The following RHOBTB2 variants were observed in gnomAD, a reference collection of about 807,000 sequenced individuals.
RHOBTB2 encodes the protein Rho related BTB domain containing 2, also known as rho-related BTB domain-containing protein 2.
In RHOBTB2, 39 loss-of-function variants were observed where a neutral mutation model predicts 66.5. That is an observed-to-expected ratio of 0.59 (90% CI 0.45 to 0.77). The LOEUF is 0.77. Ranked by LOEUF, RHOBTB2 falls within the 30% of genes least tolerant of loss-of-function variation. The probability of loss-of-function intolerance (pLI) is 0.00; values close to 1 mark genes in which losing one functional copy is unlikely to be tolerated. For synonymous variants in RHOBTB2, 390 were observed against 395.0 expected (o/e 0.99, Z 0.15); for missense variants, 755 against 999.1 (o/e 0.76, Z 3.29).
intron 2 of RHOBTB2, among the ~76,000 whole-genome samples, chr8:22,992,907 A>C (rs575874192): frequency 6.6e-6 from 1 of 152,270 alleles, no homozygotes; most frequent in East Asian, 1.9e-4. Context: ...GCATGCCCAC[A>C]CCTCTGCCAG....
At chr8:22,994,245 C>G (rs1032663508) in intron 2 of RHOBTB2, among the ~76,000 whole-genome samples, 1 of 152,216 alleles carries the variant, frequency 6.6e-6, no homozygotes, top group African/African-American at 2.4e-5. Context: ...ATCCAGGCCT[C>G]CGATGCATGA....
intron 9 of RHOBTB2, among the ~76,000 whole-genome samples, chr8:23,016,608 C>T (rs759085882): frequency 2.8e-4 from 43 of 151,986 alleles, no homozygotes; most frequent in Non-Finnish European, 5.6e-4. Flanking sequence ...GACGGGGTTT[C>T]ACCACGTTGC....
chr8:22,964,933 C>T, the RHOBTB2 span, among the ~76,000 whole-genome samples: 10 of 151,966 alleles, frequency 6.6e-5, no homozygotes, highest in Non-Finnish European at 1.2e-4. Context: ...TCTCCTGCCT[C>T]AGCTTCCCGA....
chr8:22,959,041 C>G, the RHOBTB2 span, among the ~76,000 whole-genome samples: 4 of 152,276 alleles, frequency 2.6e-5, no homozygotes, highest in East Asian at 5.8e-4. Context: ...GATTGGGACT[C>G]TGCTAGTCTT....
chr8:22,996,985 C>T (rs1810588204), upstream of RHOBTB2, among the ~76,000 whole-genome samples: 2 of 152,224 alleles, frequency 1.3e-5, no homozygotes, highest in African/African-American at 4.8e-5. Flanking sequence ...CCAGGGCTGG[C>T]TGGGAAGAGG....
upstream of RHOBTB2, chr8:22,999,264 G>A (rs1810677767): frequency 6.4e-6 from 1 of 155,440 alleles, no homozygotes; most frequent in African/African-American, 2.4e-5. Flanking sequence ...GGGTGCACTA[G>A]GATGCCTCTC....
At chr8:22,998,114 T>C (rs1237788758), upstream of RHOBTB2, among the ~76,000 whole-genome samples, 1 of 152,210 alleles carries the variant, frequency 6.6e-6, no homozygotes, top group African/African-American at 2.4e-5. Context: ...GAGCACTTCC[T>C]GTACATTGAC....
the RHOBTB2 span, among the ~76,000 whole-genome samples, chr8:22,971,363 TA>T: frequency 0.015 from 2,197 of 143,706 alleles, 29 homozygotes; most frequent in Non-Finnish European, 0.024. Flanking sequence ...TTTTTTTTTT[TA>T]AGTAGAGGTG....
At position 23,006,102 on chromosome 8, in the gene RHOBTB2, G is replaced by A. The variant is rs759887727; in HGVS notation, c.439G>A (p.Ala147Thr). 1.1e-5 allele frequency: 18 copies of A among 1,613,880 alleles called. No homozygotes were observed. The highest frequency in any genetic ancestry group is 6.7e-5 in the East Asian group (3 of 44,888). ...LVGCQLDLRY[A>T]DLEAVNRARR... ...GGGCTGCCAGTTGGACCTGCGCTAC[G>A]CTGACCTGGAGGCTGTCAACAGGGC... Residue 147 changes from alanine (A) to threonine (T), a missense_variant, in exon 4 of 10, where the codon GCT becomes ACT. By Grantham distance (58) the Ala-to-Thr change is moderately conservative. Coordinates refer to ENST00000251822, the MANE Select transcript of RHOBTB2 (RefSeq NM_015178.3). This position sits in a 1 kb window ranked among gnomAD's most constrained non-coding sequence, Gnocchi z 6.1.
chr8:22,967,536 C>T, the RHOBTB2 span, among the ~76,000 whole-genome samples: 1 of 147,442 alleles, frequency 6.8e-6, no homozygotes, highest in African/African-American at 2.5e-5. Flanking sequence ...CGCTTGAACC[C>T]AGGAGGCAGA....
rs1563291030 is a variant in RHOBTB2 at position 23,006,304 on chromosome 8, C to G, written c.482+159C>G. 3.1e-6 allele frequency: 2 copies of G among 647,456 alleles called. No homozygotes were observed. The highest frequency in any genetic ancestry group is 5.3e-5 in the East Asian group (2 of 37,390). 40.1% of individuals were successfully genotyped at this position (647,456 alleles called of 1,614,324 possible). A position where few individuals can be genotyped will look rare whatever the true frequency, so the allele number is the denominator to read the frequency against. ...AAGCATGCTCATTCATTCATTCATT[C>G]ATATACCTGTTGCACACCTCTGGTG... is the stretch of plus-strand genomic sequence containing the variant. On this transcript the variant is annotated intron_variant, in intron 4 of 9. Coordinates refer to ENST00000251822, the MANE Select transcript of RHOBTB2 (RefSeq NM_015178.3). The surrounding 1 kb of genome is among the most constrained non-coding windows in gnomAD (Gnocchi z 6.1).
chr8:22,970,136 A>C, the RHOBTB2 span, among the ~76,000 whole-genome samples: 188 of 152,312 alleles, frequency 1.2e-3, no homozygotes, highest in African/African-American at 4.3e-3. Flanking sequence ...TAAAGAAAAG[A>C]AATTTAGTTT....
chr8:22,959,730 C>T, the RHOBTB2 span, among the ~76,000 whole-genome samples: 1 of 152,172 alleles, frequency 6.6e-6, no homozygotes, highest in South Asian at 2.1e-4. Flanking sequence ...CTCTGCTCTA[C>T]CCCCTGTGGT....
upstream of RHOBTB2, among the ~76,000 whole-genome samples, chr8:22,983,346 A>AAC (rs1554502074): frequency 1.3e-5 from 2 of 151,886 alleles, no homozygotes; most frequent in African/African-American, 4.8e-5. Flanking sequence ...TAAAAAAAAA[A>AAC]AAAACAAAAA....
rs1811367476 is a variant in RHOBTB2, at chr8:23,018,482, G to A, written c.*1013G>A. On this transcript the variant is annotated 3_prime_UTR_variant, in exon 10 of 10. Transcript: ENST00000251822. ...CATTTCTATAAACAGAGGCCCCCAT[G>A]ATGAGGAGGTGAAGATTTAGGTTGC... 1 of 152,544 alleles carries A rather than the reference G, an allele frequency of 6.6e-6. No individual in the cohort carries two copies. The highest frequency in any genetic ancestry group is 1.5e-5 in the Non-Finnish European group (1 of 68,058). The allele number at this position is 152,544 out of a possible 1,614,324, so 9.4% of individuals were successfully genotyped here.
chr8:22,962,856 G>A, the RHOBTB2 span, among the ~76,000 whole-genome samples: 4 of 152,294 alleles, frequency 2.6e-5, no homozygotes, highest in African/African-American at 9.6e-5. Context: ...AGCCTCGGAG[G>A]ACAAAGAACA....
At chr8:22,974,434 C>T in the RHOBTB2 span, among the ~76,000 whole-genome samples, 4 of 152,178 alleles carry the variant, frequency 2.6e-5, no homozygotes, top group Non-Finnish European at 5.9e-5. Context: ...GCTCTTTGTG[C>T]CGTTTTTAGT....
At chr8:22,958,728 G>C in the RHOBTB2 span, among the ~76,000 whole-genome samples, 1 of 150,714 alleles carries the variant, frequency 6.6e-6, no homozygotes, top group African/African-American at 2.4e-5. Context: ...CTTGATGCCA[G>C]GAGGTGGAGG....
chr8:22,963,830 G>A, the RHOBTB2 span, among the ~76,000 whole-genome samples: 1 of 151,992 alleles, frequency 6.6e-6, no homozygotes, highest in African/African-American at 2.4e-5. Context: ...TGCCCAGGCT[G>A]GAGTGCAATG....
Sources: gnomAD v4.1 joint callset for allele counts (sites outside exome capture counted in the v4.1 genomes callset) on GRCh38, gnomAD v4.1.1 for gene constraint, Gnocchi (gnomAD v3.1) non-coding constraint, MANE v1.5 for transcripts, NCBI Gene and HGNC (gene_info 2026-07-23, HGNC 2026-07-21) for gene names.